Variants in ADGRV1 observed in about 807,000 individuals in gnomAD.
ADGRV1 encodes G-protein coupled receptor 98.
A neutral mutation model predicts 596.2 loss-of-function variants in ADGRV1; 359 were observed. That is an observed-to-expected ratio of 0.60 (90% CI 0.55 to 0.66). The LOEUF is 0.66. Among genes scored for constraint, ADGRV1 ranks in the 30% least tolerant of loss-of-function variants. The pLI is 0.00. For missense variants in ADGRV1, 7,274 were observed against 7,575.6 expected, an observed-to-expected ratio of 0.96 and a Z score of 1.48; for synonymous variants, 2,681 against 2,679.2, an observed-to-expected ratio of 1.00 and a Z score of -0.02.
rs189951972 is a variant in ADGRV1 at position 91,160,708 on chromosome 5, C to G, written c.18803-3074C>G. Among the ~76,000 whole-genome samples the G allele has an allele frequency of 3.3e-5, 5 of 152,290 alleles. No homozygotes were observed. The East Asian group carries it at 9.6e-4, about 29-fold the overall frequency. ...AGGATACTTACTGCAAACTACCCGC[C>G]TATACCATTTAATGAATTGCAAAGG... On this transcript the variant is annotated intron_variant, in intron 89 of 89. Coordinates refer to ENST00000405460, the MANE Select transcript of ADGRV1 (RefSeq NM_032119.4).
At chr5:90,611,497 A>T (rs957696304) in intron 1 of ADGRV1, among the ~76,000 whole-genome samples, 1 of 151,976 alleles carries the variant, frequency 6.6e-6, no homozygotes, top group African/African-American at 2.4e-5. Flanking sequence ...GAGGTGGGAG[A>T]AGAACATGGA....
chr5:90,850,594 C>G (rs1205220628), intron 79 of ADGRV1: 1 of 152,086 alleles, frequency 6.6e-6, no homozygotes, highest in East Asian at 1.9e-4. Context: ...GAACTATGTT[C>G]AACTATTTTG....
In ADGRV1 at chr5:90,780,980, T is replaced by C. The variant is rs1758774309; in HGVS notation, c.13083-450T>C. The C allele has an allele frequency of 2.4e-5, 4 of 163,624 alleles. No homozygotes were observed. The South Asian group carries it at 6.7e-4, about 27-fold the overall frequency. The allele number at this position is 163,624 out of a possible 1,614,324, so 10.1% of individuals were successfully genotyped here. A position where few individuals can be genotyped will look rare whatever the true frequency, so the allele number is the denominator to read the frequency against. On this transcript the variant is annotated intron_variant, in intron 64 of 89. Coordinates refer to ENST00000405460, the MANE Select transcript of ADGRV1 (RefSeq NM_032119.4). ...ATGATTTAGTTTGAAATTTAATTAG[T>C]GTCATGACACTCACTATTTCTTTGA...
At chr5:90,656,998 TAG>T (rs1187771868) in intron 20 of ADGRV1, among the ~76,000 whole-genome samples, 1 of 152,086 alleles carries the variant, frequency 6.6e-6, no homozygotes, top group Admixed American at 6.5e-5. Flanking sequence ...GTTGTTTGGA[TAG>T]AGAGATATAT....
intron 82 of ADGRV1, among the ~76,000 whole-genome samples, chr5:90,861,458 T>C (rs377208130): frequency 7.5e-4 from 114 of 152,052 alleles, no homozygotes; most frequent in East Asian, 1.9e-3. Context: ...TACAGGTGCG[T>C]GCCACCATGC....
chr5:90,618,976 A>G, intron 3 of ADGRV1, 110 bp from the exon 4 acceptor site: 2 of 484,806 alleles, frequency 4.1e-6, no homozygotes, highest in Non-Finnish European at 7.2e-6. Flanking sequence ...TTACATATGT[A>G]TTTTTATTAT....
chr5:90,974,947 C>T (rs2151007488), intron 84 of ADGRV1, among the ~76,000 whole-genome samples: 1 of 152,276 alleles, frequency 6.6e-6, no homozygotes, highest in Non-Finnish European at 1.5e-5. Flanking sequence ...TTGCAACCTA[C>T]TCATCTGACA....
chr5:90,829,408 A>G lies in ADGRV1; in HGVS notation c.16611+222A>G, dbSNP rs141886076. Among the ~76,000 whole-genome samples the G allele has an allele frequency of 3.0e-3, 464 of 152,252 alleles. 4 individuals are homozygous for G. The highest frequency in any genetic ancestry group is 6.4e-3 in the East Asian group (33 of 5,188). The stretch of plus-strand genomic sequence containing the variant: ...ACAGACTTCTTTTTTCTCTCTTTTG[A>G]CAAGATTGATTATACAGTGCAAACT... On this transcript the variant is annotated intron_variant, in intron 77 of 89. Coordinates refer to ENST00000405460, the MANE Select transcript of ADGRV1 (RefSeq NM_032119.4).
intron 84 of ADGRV1, among the ~76,000 whole-genome samples, chr5:90,973,504 T>C (rs931544637): frequency 2.0e-5 from 3 of 152,166 alleles, no homozygotes; most frequent in African/African-American, 7.2e-5. Context: ...TTATCCACCA[T>C]GATCAAGTGG....
intron 9 of ADGRV1, among the ~76,000 whole-genome samples, chr5:90,631,023 A>G (rs186931660): frequency 1.5e-4 from 23 of 152,322 alleles, no homozygotes; most frequent in Admixed American, 1.5e-3. Context: ...TGCTGAAAGT[A>G]TATATGTAAG....
intron 83 of ADGRV1, among the ~76,000 whole-genome samples, chr5:90,937,606 C>T (rs1290288056): frequency 1.3e-5 from 2 of 152,038 alleles, no homozygotes; most frequent in African/African-American, 2.4e-5. Context: ...TACAGGCACC[C>T]ACCACCACGC....
At chr5:91,046,401 C>A (rs922044964) in intron 85 of ADGRV1, among the ~76,000 whole-genome samples, 2 of 152,002 alleles carry the variant, frequency 1.3e-5, no homozygotes, top group Admixed American at 6.6e-5. Flanking sequence ...CAAGCAAAAA[C>A]ATAAAGTGAG....
At chr5:91,023,446 A>G (rs1783799291) in intron 85 of ADGRV1, among the ~76,000 whole-genome samples, 1 of 152,106 alleles carries the variant, frequency 6.6e-6, no homozygotes, top group African/African-American at 2.4e-5. Flanking sequence ...CTGGAGATAA[A>G]GTTGTTGCTG....
At chr5:90,569,521 CTT>C (rs1305985711) in intron 1 of ADGRV1, among the ~76,000 whole-genome samples, 1 of 145,984 alleles carries the variant, frequency 6.9e-6, no homozygotes, top group African/African-American at 2.5e-5. Context: ...TGACTTCTGC[CTT>C]TTAATTGGAG....
chr5:90,595,965 C>T (rs866993522), intron 1 of ADGRV1, among the ~76,000 whole-genome samples: 15 of 150,052 alleles, frequency 1.0e-4, no homozygotes, highest in East Asian at 4.1e-4. Flanking sequence ...GGGTGGCTGC[C>T]GGGCGGAGAG....
At chr5:90,666,962 G>A (rs901030714) in intron 21 of ADGRV1, among the ~76,000 whole-genome samples, 2 of 152,004 alleles carry the variant, frequency 1.3e-5, no homozygotes, top group Non-Finnish European at 2.9e-5. Context: ...GGCTTGTAGG[G>A]TTTCTGCCAA....
chr5:90,863,678 C>A, intron 82 of ADGRV1, 79 bp from the exon 83 acceptor site: 1 of 1,037,268 alleles, frequency 9.6e-7, no homozygotes, highest in Non-Finnish European at 1.5e-6. Flanking sequence ...TGCCTAGCTG[C>A]CCCCAAAGAT....
At chr5:91,031,207 G>C in intron 85 of ADGRV1, 1 of 1,561,016 alleles carries the variant, frequency 6.4e-7, no homozygotes, top group African/African-American at 1.4e-5. Flanking sequence ...AGATTTCCAG[G>C]AGTGTGTCCA....
intron 85 of ADGRV1, among the ~76,000 whole-genome samples, chr5:91,054,905 A>C (rs902174294): frequency 6.6e-6 from 1 of 152,208 alleles, no homozygotes; most frequent in Non-Finnish European, 1.5e-5. Context: ...CTATCAAAAC[A>C]GCAACCATAA....
Sources: allele counts gnomAD v4.1 joint callset (sites outside exome capture counted in the v4.1 genomes callset), GRCh38; gene constraint gnomAD v4.1.1; transcripts MANE v1.5; gene names NCBI Gene and HGNC (gene_info 2026-07-23, HGNC 2026-07-21).